Variants in SCN8A observed in about 807,000 individuals in gnomAD.
The protein encoded by SCN8A is sodium channel protein type 8 subunit alpha.
A neutral mutation model predicts 184.1 loss-of-function variants in SCN8A; 30 were observed. The observed-to-expected ratio is 0.16, with a 90% CI of 0.12 to 0.22. SCN8A has a LOEUF of 0.22. SCN8A is among the 10% of genes least tolerant of loss of function. The pLI is 1.00. For synonymous variants in SCN8A, 852 were observed against 907.0 expected (o/e 0.94, Z 1.09); for missense variants, 1,057 against 2,498.9 (o/e 0.42, Z 12.30).
Position 51,729,964 on chromosome 12 carries a change from G to A in SCN8A, c.1998+8056G>A, listed in dbSNP as rs148211860. ...TCTCATACATCTTCTTTAATGAATT[G>A]TTTATTCATATCTTTTGCCCCTTTT... is the stretch of plus-strand genomic sequence containing the variant. On this transcript the variant is annotated intron_variant, in intron 12 of 26. Coordinates refer to ENST00000627620, the MANE Select transcript of SCN8A (RefSeq NM_001330260.2). Among the ~76,000 whole-genome samples the A allele has an allele frequency of 3.5e-3, 539 of 151,872 alleles. 2 individuals carry two copies. The highest frequency in any genetic ancestry group is 0.012 in the African/African-American group (510 of 41,428).
At chr12:51,683,299 A>G (rs1941366533) in intron 2 of SCN8A, among the ~76,000 whole-genome samples, 1 of 152,232 alleles carries the variant, frequency 6.6e-6, no homozygotes, top group Non-Finnish European at 1.5e-5. Flanking sequence ...AACACAGGGC[A>G]TTCTGGGTAG....
chr12:51,725,976 C>T (rs1942149326), intron 12 of SCN8A, among the ~76,000 whole-genome samples: 1 of 152,192 alleles, frequency 6.6e-6, no homozygotes, highest in Non-Finnish European at 1.5e-5. Flanking sequence ...ATAGTGCACG[C>T]ACTGGTCTCA....
At chr12:51,622,819 A>G (rs191324154) in intron 1 of SCN8A, among the ~76,000 whole-genome samples, 4 of 152,214 alleles carry the variant, frequency 2.6e-5, no homozygotes, top group Non-Finnish European at 4.4e-5. Context: ...TACAGAGGGT[A>G]TTATCTACTT....
intron 1 of SCN8A, among the ~76,000 whole-genome samples, chr12:51,645,279 G>A (rs1383842221): frequency 3.4e-4 from 51 of 151,124 alleles, no homozygotes; most frequent in African/African-American, 1.2e-3. Flanking sequence ...CGCCCCTACT[G>A]GGAAGTGAGG....
At chr12:51,612,959 G>A (rs900355546) in intron 1 of SCN8A, among the ~76,000 whole-genome samples, 20 of 152,206 alleles carry the variant, frequency 1.3e-4, no homozygotes, top group Admixed American at 1.0e-3. Flanking sequence ...CTGACATCCC[G>A]TGATCCAACC....
At chr12:51,671,222 A>C (rs1443466707) in intron 2 of SCN8A, among the ~76,000 whole-genome samples, 1 of 152,212 alleles carries the variant, frequency 6.6e-6, no homozygotes, top group East Asian at 1.9e-4. Context: ...AGACAGAAAT[A>C]AAATATACTT....
chr12:51,743,759 G>A (rs1312995736), intron 12 of SCN8A, among the ~76,000 whole-genome samples: 2 of 152,184 alleles, frequency 1.3e-5, no homozygotes, highest in Admixed American at 1.3e-4. Flanking sequence ...CTCCCCTTCA[G>A]GGCAGCAAGT....
At chr12:51,706,298 G>T in intron 10 of SCN8A, 124 bp from the exon 11 acceptor site, 1 of 919,364 alleles carries the variant, frequency 1.1e-6, no homozygotes, top group Non-Finnish European at 1.6e-6. Flanking sequence ...AACAGTCTAG[G>T]TTTCCTGCCT....
chr12:51,707,835 A>G (rs1483491442), intron 11 of SCN8A, among the ~76,000 whole-genome samples: 2 of 152,224 alleles, frequency 1.3e-5, no homozygotes, highest in African/African-American at 4.8e-5. Context: ...GCCTAAAAAC[A>G]TCTGGTTTTT....
At chr12:51,736,521 G>A (rs1199871169) in intron 12 of SCN8A, among the ~76,000 whole-genome samples, 3 of 152,218 alleles carry the variant, frequency 2.0e-5, no homozygotes, top group African/African-American at 7.2e-5. Flanking sequence ...TCCAGGTAAT[G>A]CTATATCTGC....
intron 14 of SCN8A, among the ~76,000 whole-genome samples, chr12:51,759,104 A>G (rs1365369828): frequency 6.6e-6 from 1 of 152,108 alleles, no homozygotes; most frequent in Non-Finnish European, 1.5e-5. Flanking sequence ...TAAGATTATA[A>G]TGGAACATAT....
At chr12:51,675,160 A>T (rs995055428) in intron 2 of SCN8A, among the ~76,000 whole-genome samples, 1 of 152,238 alleles carries the variant, frequency 6.6e-6, no homozygotes, top group Non-Finnish European at 1.5e-5. Context: ...AAGGACAACA[A>T]GGAAGAATGG....
intron 1 of SCN8A, among the ~76,000 whole-genome samples, chr12:51,597,233 G>C (rs74091847): frequency 0.016 from 2,492 of 152,232 alleles, 67 homozygotes; most frequent in African/African-American, 0.055. Flanking sequence ...AGGCGATGGA[G>C]AGATTTGGAT....
chr12:51,786,136 C>A (rs995582514), intron 21 of SCN8A, among the ~76,000 whole-genome samples: 14 of 152,210 alleles, frequency 9.2e-5, no homozygotes, highest in African/African-American at 3.4e-4. Flanking sequence ...ACAATTATAC[C>A]TTGTTTTTCA....
intron 1 of SCN8A, among the ~76,000 whole-genome samples, chr12:51,650,280 A>G (rs140789064): frequency 1.3e-5 from 2 of 152,076 alleles, no homozygotes; most frequent in African/African-American, 4.8e-5. Context: ...GAGCCCTCCA[A>G]ACTGCTCCCA....
chr12:51,636,006 T>C (rs1940308438), intron 1 of SCN8A, among the ~76,000 whole-genome samples: 1 of 152,146 alleles, frequency 6.6e-6, no homozygotes, highest in Non-Finnish European at 1.5e-5. Flanking sequence ...TTTTGTTTGT[T>C]TGTTTTGAGA....
chr12:51,593,519 C>T (rs1406389838), intron 1 of SCN8A, among the ~76,000 whole-genome samples: 1 of 152,150 alleles, frequency 6.6e-6, no homozygotes. Flanking sequence ...AACAACCATA[C>T]GGTTGCTGTT....
intron 1 of SCN8A, among the ~76,000 whole-genome samples, chr12:51,651,299 G>T (rs1940709115): frequency 6.6e-6 from 1 of 152,216 alleles, no homozygotes; most frequent in Non-Finnish European, 1.5e-5. Flanking sequence ...CACCTGCTGG[G>T]ATCAAGTGAT....
At chr12:51,646,930 T>G (rs1940603344) in intron 1 of SCN8A, among the ~76,000 whole-genome samples, 2 of 152,220 alleles carry the variant, frequency 1.3e-5, no homozygotes, top group South Asian at 4.1e-4. Context: ...CCTGTCTTCA[T>G]TTTGGACTGA....
Sources: gnomAD v4.1 joint callset for allele counts (sites outside exome capture counted in the v4.1 genomes callset) on GRCh38, gnomAD v4.1.1 for gene constraint, MANE v1.5 for transcripts, NCBI Gene and HGNC (gene_info 2026-07-23, HGNC 2026-07-21) for gene names.